Variants in NELL2 observed in about 807,000 individuals in gnomAD.
The protein encoded by NELL2 is neural EGFL like 2.
NELL2 carries 41 observed loss-of-function variants against 109.6 expected under a neutral mutation model. The observed-to-expected ratio is 0.37, with a 90% CI of 0.29 to 0.49. The LOEUF (loss-of-function observed/expected upper bound fraction) is 0.49, where lower values mean the gene tolerates loss of function less well. Among genes scored for constraint, NELL2 ranks in the 20% least tolerant of loss-of-function variants. The probability of loss-of-function intolerance (pLI) is 0.98; values close to 1 mark genes in which losing one functional copy is unlikely to be tolerated. For synonymous variants in NELL2, 355 were observed against 344.7 expected (o/e 1.03, Z -0.33); for missense variants, 900 against 1,008.3 (o/e 0.89, Z 1.45).
chr12:44,687,289 A>G (rs1031812490), intron 12 of NELL2, among the ~76,000 whole-genome samples: 8 of 152,082 alleles, frequency 5.3e-5, no homozygotes, highest in Admixed American at 3.3e-4. Context: ...GCACCCACTG[A>G]CCTGCGCCCA....
intron 9 of NELL2, among the ~76,000 whole-genome samples, chr12:44,739,058 A>G (rs541966097): frequency 6.6e-6 from 1 of 152,282 alleles, no homozygotes; most frequent in Admixed American, 6.5e-5. Flanking sequence ...ATACACACAC[A>G]TACATATTTT....
intron 9 of NELL2, among the ~76,000 whole-genome samples, chr12:44,731,978 A>T (rs1939394243): frequency 6.6e-6 from 1 of 152,084 alleles, no homozygotes; most frequent in Non-Finnish European, 1.5e-5. Context: ...CATTTACAAT[A>T]GCATCAATAA....
intron 11 of NELL2, among the ~76,000 whole-genome samples, chr12:44,704,179 T>G (rs1267352088): frequency 6.6e-6 from 1 of 152,066 alleles, no homozygotes; most frequent in Non-Finnish European, 1.5e-5. Flanking sequence ...AAAATGAAGA[T>G]TTATAATATA....
intron 9 of NELL2, among the ~76,000 whole-genome samples, chr12:44,741,942 G>T (rs61443841): frequency 0.075 from 11,337 of 152,148 alleles, 1,369 homozygotes; most frequent in African/African-American, 0.25. Flanking sequence ...TGTCCCTGTC[G>T]GACAGCTTTG....
intron 18 of NELL2, among the ~76,000 whole-genome samples, chr12:44,521,093 G>C (rs1458663642): frequency 2.0e-5 from 3 of 152,082 alleles, no homozygotes; most frequent in Non-Finnish European, 4.4e-5. Context: ...TACACCACTA[G>C]AAACAAGAAA....
At position 44,589,645 on chromosome 12, in the gene NELL2, C is replaced by A. The variant is rs142355529; in HGVS notation, c.1663+17524G>T. Among the ~76,000 whole-genome samples, 144 of 152,308 alleles carry A rather than the reference C, an allele frequency of 9.5e-4. 1 individual carries two copies. The highest frequency in any genetic ancestry group is 3.4e-3 in the African/African-American group (141 of 41,574). On this transcript the variant is annotated intron_variant, in intron 15 of 19. Coordinates refer to ENST00000429094, the MANE Select transcript of NELL2 (RefSeq NM_001145108.2). The stretch of plus-strand genomic sequence containing the variant: ...CCGCCCACCTTGGCCTCCCAAAGTG[C>A]TGGGATTACAGGCATGAGAAGAGAC...
At chr12:44,532,825 GA>G (rs1942142318) in intron 15 of NELL2, 104 bp from the exon 16 acceptor site, 1 of 985,048 alleles carries the variant, frequency 1.0e-6, no homozygotes, top group African/African-American at 1.7e-5. Flanking sequence ...GCAAATCCTT[GA>G]AACTGGGAAA....
intron 3 of NELL2, among the ~76,000 whole-genome samples, chr12:44,791,263 T>C (rs1278930637): frequency 8.9e-6 from 1 of 112,404 alleles, no homozygotes; most frequent in Non-Finnish European, 1.7e-5. Flanking sequence ...AGGAATGAAT[T>C]AATGGCATTT....
At chr12:44,766,916 T>C (rs1250224232) in intron 9 of NELL2, among the ~76,000 whole-genome samples, 1 of 152,144 alleles carries the variant, frequency 6.6e-6, no homozygotes, top group South Asian at 2.1e-4. Context: ...ACATGAAAAA[T>C]AATAAAATCC....
chr12:44,521,557 T>C (rs11831921), intron 18 of NELL2, among the ~76,000 whole-genome samples: 3 of 148,906 alleles, frequency 2.0e-5, no homozygotes, highest in African/African-American at 5.0e-5. Context: ...GTTGCGGTGG[T>C]GGGGGAGGCG....
intron 6 of NELL2, 31 bp from the exon 7 acceptor site, chr12:44,777,155 AT>A (rs1454709504): frequency 2.5e-6 from 4 of 1,612,742 alleles, no homozygotes; most frequent in Non-Finnish European, 3.4e-6. Flanking sequence ...TTTGGTCAAG[AT>A]GCATTTATAA....
chr12:44,906,634 C>T (rs1394319998), intron 1 of NELL2, among the ~76,000 whole-genome samples: 1 of 151,902 alleles, frequency 6.6e-6, no homozygotes, highest in Non-Finnish European at 1.5e-5. Context: ...TCAAGGAGAA[C>T]TCAAAGGTTT....
intron 15 of NELL2, among the ~76,000 whole-genome samples, chr12:44,596,533 T>TG (rs1355551903): frequency 2.0e-5 from 3 of 152,224 alleles, no homozygotes; most frequent in Non-Finnish European, 4.4e-5. Context: ...AGCCATTGCT[T>TG]GGTTTACCAT....
At chr12:44,659,245 A>G (rs1947641271) in intron 13 of NELL2, among the ~76,000 whole-genome samples, 3 of 152,238 alleles carry the variant, frequency 2.0e-5, no homozygotes, top group Admixed American at 2.0e-4. Flanking sequence ...TAAAATCTCT[A>G]GAAGAAAACC....
intron 3 of NELL2, among the ~76,000 whole-genome samples, chr12:44,781,532 T>C (rs1014394272): frequency 4.6e-5 from 7 of 151,994 alleles, no homozygotes; most frequent in African/African-American, 1.7e-4. Flanking sequence ...AACTCACAGA[T>C]TCAAGAATCT....
intron 12 of NELL2, among the ~76,000 whole-genome samples, chr12:44,685,066 G>A (rs1948668020): frequency 6.6e-6 from 1 of 151,990 alleles, no homozygotes; most frequent in East Asian, 1.9e-4. Flanking sequence ...TCTCTTTGTA[G>A]GTCACTCAGG....
At chr12:44,604,736 T>C (rs1024518145) in intron 15 of NELL2, among the ~76,000 whole-genome samples, 2 of 152,066 alleles carry the variant, frequency 1.3e-5, no homozygotes, top group Non-Finnish European at 2.9e-5. Context: ...ATTTATCATG[T>C]TAAAAATGTG....
At chr12:44,697,414 T>C (rs1949100105) in intron 12 of NELL2, among the ~76,000 whole-genome samples, 2 of 151,988 alleles carry the variant, frequency 1.3e-5, no homozygotes, top group Admixed American at 6.6e-5. Flanking sequence ...ATATACAGCT[T>C]TGGGGTATGG....
chr12:44,837,688 GT>G (rs971156961), intron 2 of NELL2, among the ~76,000 whole-genome samples: 58 of 146,716 alleles, frequency 4.0e-4, no homozygotes, highest in South Asian at 1.1e-3. Flanking sequence ...TTCAAAGAAA[GT>G]TTTTTTTTTT....
Sources: allele counts gnomAD v4.1 joint callset (sites outside exome capture counted in the v4.1 genomes callset), GRCh38; gene constraint gnomAD v4.1.1; transcripts MANE v1.5; gene names NCBI Gene and HGNC (gene_info 2026-07-23, HGNC 2026-07-21).